Variants in RAB3IL1 observed in about 807,000 individuals in gnomAD.
RAB3IL1 encodes guanine nucleotide exchange factor for Rab-3A.
Under a neutral mutation model 49.2 loss-of-function variants are expected in RAB3IL1, and 37 were observed. The ratio of observed to expected loss-of-function variants is 0.75; its 90% CI spans 0.58 to 0.99. The LOEUF (loss-of-function observed/expected upper bound fraction) is 0.99. RAB3IL1 is among the 50% of genes least tolerant of loss of function. The pLI is 0.00. For synonymous variants in RAB3IL1, 193 were observed against 213.9 expected (o/e 0.90, Z 0.85); for missense variants, 484 against 513.0 (o/e 0.94, Z 0.55).
intron 8 of RAB3IL1, among the ~76,000 whole-genome samples, chr11:61,902,207 G>A (rs1938951460): frequency 6.6e-6 from 1 of 152,226 alleles, no homozygotes; most frequent in Non-Finnish European, 1.5e-5. Flanking sequence ...CCAGCTACTT[G>A]GGAAGCTGAG....
Position 61,906,629 on chromosome 11 carries a change from G to A in RAB3IL1, c.494C>T (p.Thr165Ile), listed in dbSNP as rs762412807. Residue 165 changes from threonine to isoleucine, a missense_variant, in exon 5 of 10, where the codon ACA (threonine) becomes ATA (isoleucine). Coordinates refer to ENST00000394836, the MANE Select transcript of RAB3IL1 (RefSeq NM_013401.4). This position sits in a 1 kb window ranked among gnomAD's most constrained non-coding sequence, Gnocchi z 4.6. ...TALKTLVITS[T>I]PASPNRELHP... ...AAGCTCGCGGTTGGGAGAGGCTGGTGTGGACGTGATGACCAGCGTCTTCAA... is the reference window on the plus strand; with the variant it reads ...AAGCTCGCGGTTGGGAGAGGCTGGTATGGACGTGATGACCAGCGTCTTCAA... The A allele has an allele frequency of 5.6e-6, 9 of 1,611,734 alleles. No homozygotes were observed. The highest frequency in any genetic ancestry group is 7.6e-6 in the Non-Finnish European group (9 of 1,179,290).
chr11:61,919,619 T>C (rs1939844330), upstream of RAB3IL1, among the ~76,000 whole-genome samples: 1 of 152,150 alleles, frequency 6.6e-6, no homozygotes, highest in Non-Finnish European at 1.5e-5. Context: ...AAGAGGTTCC[T>C]GAGCACATGC....
chr11:61,922,439 T>C (rs1939929654), upstream of RAB3IL1, among the ~76,000 whole-genome samples: 1 of 151,562 alleles, frequency 6.6e-6, no homozygotes. Context: ...GGAGAATCGC[T>C]TGAACCCAGG....
chr11:61,907,430 G>C lies in RAB3IL1; in HGVS notation c.401C>G (p.Ala134Gly). ...CTCCTTCAGCTGCTTTTCTGATGCC[G>C]CCTGCTTCATGTTGGCTTCTCGAAC... ...KMVREANMKQ[A>G]ASEKQLKEAR... is the part of the protein sequence containing the mutation. Residue 134 changes from alanine (A) to glycine (G), a missense_variant, in exon 4 of 10, where the codon GCG (alanine) becomes GGG (glycine). Physicochemically the swap from Ala to Gly is moderately conservative, Grantham distance 60 (BLOSUM62 0). Coordinates refer to ENST00000394836, the MANE Select transcript of RAB3IL1 (RefSeq NM_013401.4). 4 of 1,614,102 alleles carry C rather than the reference G, an allele frequency of 2.5e-6. No homozygotes were observed. Among genetic ancestry groups the C allele is most frequent in the Non-Finnish European group, 3.4e-6 (4 of 1,180,006 alleles).
rs1076180 is a variant in RAB3IL1, at chr11:61,904,909, G to T, written c.658-27C>A. 3.9e-6 allele frequency: 6 copies of T among 1,536,406 alleles called. No individual in the cohort carries two copies. In the East Asian group the frequency reaches 9.0e-5, roughly 23 times the overall value. On this transcript the variant is annotated intron_variant, in intron 5 of 9. Transcript: ENST00000394836. Reference sequence around the variant, plus strand: ...TGTGGGGGAGGGCAAGCGAGGGTGGGGGCGGTCAGGGTACTGGGGCCAGCA... The same window carrying T: ...TGTGGGGGAGGGCAAGCGAGGGTGGTGGCGGTCAGGGTACTGGGGCCAGCA...
At chr11:61,903,329 C>A (rs1939016594) in intron 7 of RAB3IL1, among the ~76,000 whole-genome samples, 1 of 152,132 alleles carries the variant, frequency 6.6e-6, no homozygotes, top group Non-Finnish European at 1.5e-5. Context: ...AGAGCCAGGG[C>A]TCCTCCAAAA....
the RAB3IL1 span, among the ~76,000 whole-genome samples, chr11:61,930,879 T>A: frequency 1.3e-5 from 2 of 152,212 alleles, no homozygotes; most frequent in Non-Finnish European, 1.5e-5. Flanking sequence ...TTAAAAAAAA[T>A]TCACCAGATA....
upstream of RAB3IL1, among the ~76,000 whole-genome samples, chr11:61,924,816 G>A (rs1368275470): frequency 4.6e-5 from 7 of 152,166 alleles, no homozygotes; most frequent in Non-Finnish European, 1.0e-4. Flanking sequence ...CCAGATGGGT[G>A]TGGGAGTCTG....
the RAB3IL1 span, among the ~76,000 whole-genome samples, chr11:61,938,216 A>G: frequency 1.3e-5 from 2 of 152,072 alleles, no homozygotes; most frequent in African/African-American, 4.8e-5. Flanking sequence ...TGGGCAACGA[A>G]GTTATGCTAT....
chr11:61,924,962 A>G (rs1050168074), upstream of RAB3IL1, among the ~76,000 whole-genome samples: 2 of 152,186 alleles, frequency 1.3e-5, no homozygotes, highest in Admixed American at 6.5e-5. Context: ...CTTCGGGGGG[A>G]AAACATGACT....
At chr11:61,904,709 G>T (rs779554405) in intron 6 of RAB3IL1, 45 bp downstream of exon 6, 2 of 1,583,118 alleles carry the variant, frequency 1.3e-6, no homozygotes, top group South Asian at 2.3e-5. Flanking sequence ...GGGCCCTGGC[G>T]GAGGGGTGTG....
Position 61,906,394 on chromosome 11 carries a change from C to G in RAB3IL1, c.657+72G>C. ...ACAGCATGGGGCAGGCTGGTCCTCA[C>G]TGGGCTCGGACCCTGCCTACCGCAG... On this transcript the variant is annotated intron_variant, in intron 5 of 9. Coordinates refer to ENST00000394836, the MANE Select transcript of RAB3IL1 (RefSeq NM_013401.4). The surrounding 1 kb of genome is among the most constrained non-coding windows in gnomAD (Gnocchi z 4.6). 1 of 1,388,570 alleles carries G rather than the reference C, an allele frequency of 7.2e-7. No homozygotes were observed. The highest frequency in any genetic ancestry group is 9.9e-7 in the Non-Finnish European group (1 of 1,014,560). 86.0% of individuals were successfully genotyped at this position (1,388,570 alleles called of 1,614,324 possible).
chr11:61,922,777 GC>G (rs903912650), upstream of RAB3IL1, among the ~76,000 whole-genome samples: 1 of 151,814 alleles, frequency 6.6e-6, no homozygotes, highest in Non-Finnish European at 1.5e-5. Flanking sequence ...TCAGCCTAAT[GC>G]AAACCAGATG....
chr11:61,940,099 C>T, the RAB3IL1 span, among the ~76,000 whole-genome samples: 1 of 151,930 alleles, frequency 6.6e-6, no homozygotes, highest in Non-Finnish European at 1.5e-5. Context: ...GAGCTATGAT[C>T]GTACCACTTC....
the RAB3IL1 span, among the ~76,000 whole-genome samples, chr11:61,942,396 C>A: frequency 1.3e-5 from 2 of 152,140 alleles, no homozygotes; most frequent in African/African-American, 4.8e-5. Flanking sequence ...CTTCCCTCCA[C>A]TATTGTCCCA....
chr11:61,922,996 A>G (rs1939939363), upstream of RAB3IL1, among the ~76,000 whole-genome samples: 1 of 152,192 alleles, frequency 6.6e-6, no homozygotes, highest in African/African-American at 2.4e-5. Flanking sequence ...GCAAGAGGGG[A>G]AAGGGCTTGG....
At chr11:61,939,822 G>A in the RAB3IL1 span, among the ~76,000 whole-genome samples, 2 of 152,070 alleles carry the variant, frequency 1.3e-5, no homozygotes, top group African/African-American at 2.4e-5. Context: ...GCCAGGTGTG[G>A]TGGCACATGT....
chr11:61,912,919 G>C (rs890317606), intron 1 of RAB3IL1, among the ~76,000 whole-genome samples: 2 of 152,160 alleles, frequency 1.3e-5, no homozygotes, highest in Admixed American at 6.5e-5. Flanking sequence ...GGATGGGGGG[G>C]CAGGAAAAAG....
At chr11:61,917,656 C>T (rs1232605045), upstream of RAB3IL1, 2 of 813,520 alleles carry the variant, frequency 2.5e-6, no homozygotes, top group African/African-American at 1.9e-5. Context: ...CTCCCAAGGC[C>T]TGGCCCCACC....
Sources: allele counts gnomAD v4.1 joint callset (sites outside exome capture counted in the v4.1 genomes callset), GRCh38; gene constraint gnomAD v4.1.1; non-coding constraint Gnocchi (gnomAD v3.1); transcripts MANE v1.5; gene names NCBI Gene and HGNC (gene_info 2026-07-23, HGNC 2026-07-21).